Variants in GIMAP7 observed in about 807,000 individuals in gnomAD.
The protein encoded by GIMAP7 is GTPase, IMAP family member 7.
For synonymous variants in GIMAP7, 137 were observed against 129.3 expected (o/e 1.06, Z -0.40); for missense variants, 323 against 359.7 (o/e 0.90, Z 0.83).
chr7:150,517,795 G>A (rs368771009), intron 1 of GIMAP7, among the ~76,000 whole-genome samples: 2 of 151,880 alleles, frequency 1.3e-5, no homozygotes, highest in East Asian at 1.9e-4. Flanking sequence ...GATCAAATTT[G>A]CAAAAACAAA....
chr7:150,517,051 A>G (rs1342801098), intron 1 of GIMAP7, among the ~76,000 whole-genome samples: 1 of 152,238 alleles, frequency 6.6e-6, no homozygotes, highest in Non-Finnish European at 1.5e-5. Flanking sequence ...ATAGTCATAC[A>G]CAAAGGAACT....
chr7:150,516,822 A>G lies in GIMAP7; in HGVS notation c.-42+1877A>G, dbSNP rs184893832. Among the ~76,000 whole-genome samples, 614 of 152,318 alleles carry G rather than the reference A, an allele frequency of 4.0e-3. 44 individuals carry two copies. The South Asian group carries it at 0.12, about 29-fold the overall frequency. On this transcript the variant is annotated intron_variant, in intron 1 of 1. Transcript: ENST00000313543. The stretch of plus-strand genomic sequence containing the variant: ...GCTCCAGTGTTTTGTGTGAATTTAT[A>G]TGAATGGGGAGGTTGGATCAGATTA...
At chr7:150,518,061 G>A (rs1265425351) in intron 1 of GIMAP7, among the ~76,000 whole-genome samples, 1 of 151,662 alleles carries the variant, frequency 6.6e-6, no homozygotes, top group Non-Finnish European at 1.5e-5. Context: ...CTTCATACTG[G>A]TATATAGATA....
chr7:150,515,165 C>T (rs1357428248), intron 1 of GIMAP7, among the ~76,000 whole-genome samples: 1 of 152,208 alleles, frequency 6.6e-6, no homozygotes, highest in Non-Finnish European at 1.5e-5. Flanking sequence ...CACATGGCTG[C>T]ATAGTGCACC....
chr7:150,520,363 T>C lies in GIMAP7; in HGVS notation c.389T>C (p.Leu130Ser). ...GKSAMKHMVI[L>S]FTRKEELEGQ... ...TCAGCCATGAAGCACATGGTCATCT[T>C]GTTCACTCGCAAAGAAGAGTTGGAG... The change falls in exon 2 of 2, where the codon TTG becomes TCG. Residue 130 changes from leucine (L) to serine (S), a missense_variant. Physicochemically the swap from Leu to Ser is moderately radical, Grantham distance 145. Transcript: ENST00000313543. 1 of 1,614,222 alleles carries C rather than the reference T, an allele frequency of 6.2e-7. No individual in the cohort carries two copies. The highest frequency in any genetic ancestry group is 8.5e-7 in the Non-Finnish European group (1 of 1,180,036).
Position 150,520,682 on chromosome 7 carries a change from A to G in GIMAP7, c.708A>G (p.Glu236=). The part of the protein sequence containing the change: ...DQLNEEIKLV[E]EDKHKSEEEK... The stretch of plus-strand genomic sequence containing the variant: ...TAAATGAAGAAATTAAACTAGTAGA[A>G]GAGGATAAGCATAAATCAGAGGAAG... Residue 236 remains glutamate (E), a synonymous_variant, in exon 2 of 2, where the codon GAA becomes GAG. Coordinates refer to ENST00000313543, the MANE Select transcript of GIMAP7 (RefSeq NM_153236.4). The G allele has an allele frequency of 6.2e-7, 1 of 1,601,072 alleles. No homozygotes were observed. The highest frequency in any genetic ancestry group is 8.6e-7 in the Non-Finnish European group (1 of 1,168,460).
chr7:150,520,561 A>C lies in GIMAP7; in HGVS notation c.587A>C (p.Asn196Thr). 1 of 1,614,228 alleles carries C rather than the reference A, an allele frequency of 6.2e-7. No homozygotes were observed. Among genetic ancestry groups the C allele is most frequent in the Non-Finnish European group, 8.5e-7 (1 of 1,180,048 alleles). ...VELIEKMVQC[N>T]EGAYFSDDIY... is the part of the protein sequence containing the mutation. ...CTGATAGAGAAAATGGTGCAGTGCA[A>C]CGAAGGGGCTTACTTTTCTGATGAC... Residue 196 changes from asparagine to threonine, a missense_variant, in exon 2 of 2, where the codon AAC becomes ACC. Physicochemically the swap from Asn to Thr is moderately conservative, Grantham distance 65 (BLOSUM62 0). Coordinates refer to ENST00000313543, the MANE Select transcript of GIMAP7 (RefSeq NM_153236.4).
chr7:150,519,933 G>A lies in GIMAP7; in HGVS notation c.-41-1G>A. 2 of 1,581,722 alleles carry A rather than the reference G, an allele frequency of 1.3e-6. No individual in the cohort carries two copies. The highest frequency in any genetic ancestry group is 1.7e-6 in the Non-Finnish European group (2 of 1,158,410). Reference sequence around the variant, plus strand: ...TTTTCCCCTATCTTCCCCTCCTTAAGGTCTTGTACGTGCCTAAGTTCTAGA... The same window carrying A: ...TTTTCCCCTATCTTCCCCTCCTTAAAGTCTTGTACGTGCCTAAGTTCTAGA... On this transcript the variant is annotated splice_acceptor_variant, in intron 1 of 1. Transcript: ENST00000313543. LOFTEE classifies it low-confidence loss of function (5UTR_SPLICE).
In GIMAP7 at chr7:150,520,382, G is replaced by A. The variant is rs751865182; in HGVS notation, c.408G>A (p.Glu136=). 1.9e-6 allele frequency: 3 copies of A among 1,614,224 alleles called. No homozygotes were observed. The highest frequency in any genetic ancestry group is 1.1e-5 in the South Asian group (1 of 91,088). ...TCATCTTGTTCACTCGCAAAGAAGA[G>A]TTGGAGGGCCAGAGCTTCCATGACT... ...HMVILFTRKE[E]LEGQSFHDFI... Residue 136 remains glutamate, a synonymous_variant, in exon 2 of 2, where the codon GAG becomes GAA. Coordinates refer to ENST00000313543, the MANE Select transcript of GIMAP7 (RefSeq NM_153236.4).
At position 150,520,442 on chromosome 7, in the gene GIMAP7, C is replaced by T. The variant is rs771669495; in HGVS notation, c.468C>T (p.Ile156=). The stretch of plus-strand genomic sequence containing the variant: ...ATGCGGATGTGGGCCTAAAAAGCAT[C>T]GTCAAGGAGTGCGGGAACCGCTGCT... ...IADADVGLKS[I]VKECGNRCCA... is the part of the protein sequence containing the mutation. The change falls in exon 2 of 2, where the codon ATC becomes ATT. Residue 156 remains isoleucine (I), a synonymous_variant. Transcript: ENST00000313543. 1.9e-5 allele frequency: 30 copies of T among 1,614,050 alleles called. No individual in the cohort carries two copies. The highest frequency in any genetic ancestry group is 1.2e-4 in the Admixed American group (7 of 60,004).
chr7:150,515,799 A>G (rs537582584), intron 1 of GIMAP7, among the ~76,000 whole-genome samples: 3 of 152,222 alleles, frequency 2.0e-5, no homozygotes, highest in East Asian at 3.9e-4. Context: ...TGGCTTCTCA[A>G]TATGAGAGAG....
chr7:150,518,304 G>A (rs994972402), intron 1 of GIMAP7, among the ~76,000 whole-genome samples: 4 of 152,114 alleles, frequency 2.6e-5, no homozygotes, highest in African/African-American at 9.7e-5. Context: ...CTTCACACTA[G>A]TCATGCAAGA....
In GIMAP7 at chr7:150,520,514, T is replaced by C. The variant is rs754421588; in HGVS notation, c.540T>C (p.Ser180=). ...AAACCAGTAAGGCAGAGAAGGAAAG[T>C]CAAGTGCAGGAGTTGGTGGAGCTGA... ...SKKTSKAEKE[S]QVQELVELIE... is the part of the protein sequence containing the mutation. The change falls in exon 2 of 2, where the codon AGT becomes AGC. Residue 180 remains serine, a synonymous_variant. Transcript: ENST00000313543. The C allele has an allele frequency of 6.2e-7, 1 of 1,614,100 alleles. No individual in the cohort carries two copies. Among genetic ancestry groups the C allele is most frequent in the Non-Finnish European group, 8.5e-7 (1 of 1,180,008 alleles).
intron 1 of GIMAP7, among the ~76,000 whole-genome samples, chr7:150,519,171 C>T (rs972132484): frequency 3.3e-5 from 5 of 152,010 alleles, no homozygotes; most frequent in African/African-American, 1.2e-4. Flanking sequence ...TCTTCTTTTC[C>T]TTGATTGTCT....
chr7:150,517,930 C>G (rs1795151274), intron 1 of GIMAP7, among the ~76,000 whole-genome samples: 1 of 151,910 alleles, frequency 6.6e-6, no homozygotes, highest in Non-Finnish European at 1.5e-5. Flanking sequence ...TTTTCACATG[C>G]ACATAAAAAT....
rs1795168981 is a variant in GIMAP7 at position 150,519,883 on chromosome 7, G to C, written c.-41-51G>C. On this transcript the variant is annotated intron_variant, in intron 1 of 1. Coordinates refer to ENST00000313543, the MANE Select transcript of GIMAP7 (RefSeq NM_153236.4). The stretch of plus-strand genomic sequence containing the variant: ...AAAGCAGAAAAGAAGGTTGGGAATG[G>C]ATCTCACTTACTAAAACTGGCTTTT... 54 of 1,089,432 alleles carry C rather than the reference G, an allele frequency of 5.0e-5. No individual in the cohort carries two copies. The South Asian group carries it at 8.0e-4, about 16-fold the overall frequency. 67.5% of individuals were successfully genotyped at this position (1,089,432 alleles called of 1,614,324 possible).
chr7:150,520,747 A>G lies in GIMAP7; in HGVS notation c.773A>G (p.Asp258Gly). 10 of 1,501,358 alleles carry G rather than the reference A, an allele frequency of 6.7e-6. No individual in the cohort carries two copies. The highest frequency in any genetic ancestry group is 9.1e-6 in the Non-Finnish European group (10 of 1,099,682). The allele number at this position is 1,501,358 out of a possible 1,614,324, so 93.0% of individuals were successfully genotyped here. Reference sequence around the variant, plus strand: ...ATTAAATTACTAAAATTAAAATATGATGAAAAAATAAAAAATATAAGGGAA... The same window carrying G: ...ATTAAATTACTAAAATTAAAATATGGTGAAAAAATAAAAAATATAAGGGAA... The part of the protein sequence containing the change: ...KEIKLLKLKY[D>G]EKIKNIREEA... The change falls in exon 2 of 2, where the codon GAT (aspartate) becomes GGT (glycine). Residue 258 changes from aspartate to glycine, a missense_variant. Asp to Gly is a moderately conservative substitution (Grantham distance 94). Coordinates refer to ENST00000313543, the MANE Select transcript of GIMAP7 (RefSeq NM_153236.4).
intron 1 of GIMAP7, among the ~76,000 whole-genome samples, chr7:150,516,873 G>C (rs978036954): frequency 1.3e-5 from 2 of 152,052 alleles, no homozygotes; most frequent in African/African-American, 4.8e-5. Flanking sequence ...TTTTTAGTGG[G>C]AATACTTCAT....
Position 150,520,518 on chromosome 7 carries a change from G to A in GIMAP7, c.544G>A (p.Val182Met). 3 of 1,614,230 alleles carry A rather than the reference G, an allele frequency of 1.9e-6. No homozygotes were observed. The highest frequency in any genetic ancestry group is 2.5e-6 in the Non-Finnish European group (3 of 1,180,046). Residue 182 changes from valine (V) to methionine (M), a missense_variant, in exon 2 of 2, where the codon GTG (valine) becomes ATG (methionine). Coordinates refer to ENST00000313543, the MANE Select transcript of GIMAP7 (RefSeq NM_153236.4). ...CAGTAAGGCAGAGAAGGAAAGTCAA[G>A]TGCAGGAGTTGGTGGAGCTGATAGA... The part of the protein sequence containing the change: ...KTSKAEKESQ[V>M]QELVELIEKM...
Sources: allele counts gnomAD v4.1 joint callset (sites outside exome capture counted in the v4.1 genomes callset), GRCh38; gene constraint gnomAD v4.1.1; transcripts MANE v1.5; gene names NCBI Gene and HGNC (gene_info 2026-07-23, HGNC 2026-07-21).